Variants in CLASP1 observed in about 807,000 individuals in gnomAD.
CLASP1 encodes the protein CLIP-associating protein 1.
A neutral mutation model predicts 192.3 loss-of-function variants in CLASP1; 38 were observed. The ratio of observed to expected loss-of-function variants is 0.20; its 90% confidence interval spans 0.15 to 0.26. The LOEUF is 0.26. Ranked by LOEUF, CLASP1 falls within the 10% of genes least tolerant of loss-of-function variation. CLASP1 has a pLI of 1.00. For synonymous variants in CLASP1, 691 were observed against 712.8 expected, an observed-to-expected ratio of 0.97 and a Z score of 0.49; for missense variants, 1,433 against 1,932.5, an observed-to-expected ratio of 0.74 and a Z score of 4.85.
chr2:121,345,956 T>C (rs1372991164), intron 39 of CLASP1, among the ~76,000 whole-genome samples: 1 of 152,126 alleles, frequency 6.6e-6, no homozygotes, highest in Non-Finnish European at 1.5e-5. Flanking sequence ...GCCCAGAGTG[T>C]CAACAGAGCC....
chr2:121,404,491 G>A (rs1482849920), intron 25 of CLASP1, 57 bp from the exon 27 acceptor site: 1 of 1,440,506 alleles, frequency 6.9e-7, no homozygotes. Context: ...TTTTGAGACA[G>A]GGTCTCACTC....
intron 1 of CLASP1, among the ~76,000 whole-genome samples, chr2:121,613,045 T>A (rs528763532): frequency 1.3e-5 from 2 of 152,180 alleles, no homozygotes; most frequent in Non-Finnish European, 2.9e-5. Context: ...GAGGTGACAA[T>A]AGCAAAACAT....
At chr2:121,500,541 G>A (rs568202724) in intron 8 of CLASP1, among the ~76,000 whole-genome samples, 1 of 152,146 alleles carries the variant, frequency 6.6e-6, no homozygotes, top group South Asian at 2.1e-4. Flanking sequence ...GAGAAAATTA[G>A]ATAAAGAGGG....
At chr2:121,427,624 T>C (rs2080667503) in intron 20 of CLASP1, among the ~76,000 whole-genome samples, 194 bp from the exon 21 acceptor site, 1 of 152,224 alleles carries the variant, frequency 6.6e-6, no homozygotes, top group Non-Finnish European at 1.5e-5. Context: ...CATTAGCATT[T>C]ATTTCAGATC....
chr2:121,641,517 T>C (rs75403931), intron 1 of CLASP1, among the ~76,000 whole-genome samples: 2,207 of 152,298 alleles, frequency 0.014, 52 homozygotes, highest in African/African-American at 0.049. Context: ...AGGCTGCATT[T>C]TCCTCTATGC....
intron 6 of CLASP1, among the ~76,000 whole-genome samples, chr2:121,521,407 C>G (rs576058431): frequency 6.6e-6 from 1 of 152,166 alleles, no homozygotes; most frequent in African/African-American, 2.4e-5. Flanking sequence ...GCCAACCGTG[C>G]GTGTGGTACC....
intron 25 of CLASP1, 87 bp from the exon 27 acceptor site, chr2:121,404,521 C>T (rs2076628879): frequency 1.7e-6 from 2 of 1,179,610 alleles, no homozygotes; most frequent in Admixed American, 4.0e-5. Context: ...GGCTAGAGTG[C>T]AGTGGTGCGA....
chr2:121,608,236 G>A (rs2064715434), intron 1 of CLASP1, among the ~76,000 whole-genome samples: 1 of 152,134 alleles, frequency 6.6e-6, no homozygotes, highest in African/African-American at 2.4e-5. Flanking sequence ...GAAACCAAAA[G>A]AATCTCTTTC....
intron 9 of CLASP1, among the ~76,000 whole-genome samples, chr2:121,464,284 T>A (rs986642500): frequency 7.2e-5 from 11 of 152,078 alleles, no homozygotes; most frequent in Non-Finnish European, 1.5e-4. Flanking sequence ...TTTGCTATTG[T>A]GAATAGTGCC....
chr2:121,530,974 G>T lies in CLASP1; in HGVS notation c.196-649C>A, dbSNP rs774196943. 3 of 700,352 alleles carry T rather than the reference G, an allele frequency of 4.3e-6. No individual in the cohort carries two copies. The highest frequency in any genetic ancestry group is 7.8e-6 in the Non-Finnish European group (3 of 384,818). The allele number at this position is 700,352 out of a possible 1,614,324, so 43.4% of individuals were successfully genotyped here. A position where few individuals can be genotyped will look rare whatever the true frequency, so the allele number is the denominator to read the frequency against. On this transcript the variant is annotated intron_variant, in intron 2 of 39. Coordinates refer to ENST00000263710, the Ensembl canonical transcript of CLASP1. ...GAACAACACACCCGCATCAACTAGAGCTTTTGCTTTATTTTGGTGCAATTT... is the reference window on the plus strand; with the variant it reads ...GAACAACACACCCGCATCAACTAGATCTTTTGCTTTATTTTGGTGCAATTT...
intron 19 of CLASP1, among the ~76,000 whole-genome samples, chr2:121,442,550 G>A (rs187787464): frequency 9.3e-5 from 14 of 150,454 alleles, no homozygotes; most frequent in African/African-American, 1.5e-4. Context: ...CATAATCTCC[G>A]CTCACTACAA....
At chr2:121,378,067 A>G (rs1358007154) in intron 33 of CLASP1, among the ~76,000 whole-genome samples, 1 of 152,246 alleles carries the variant, frequency 6.6e-6, no homozygotes, top group East Asian at 1.9e-4. Flanking sequence ...AGCTAGTACT[A>G]TAAGCAAATT....
intron 2 of CLASP1, among the ~76,000 whole-genome samples, chr2:121,577,318 G>A (rs768235040): frequency 1.3e-4 from 20 of 151,712 alleles, no homozygotes; most frequent in African/African-American, 2.4e-4. Context: ...TGGCAAAAAC[G>A]TGCAAATGAC....
At chr2:121,437,653 G>C (rs2082535488) in intron 19 of CLASP1, among the ~76,000 whole-genome samples, 1 of 152,202 alleles carries the variant, frequency 6.6e-6, no homozygotes, top group Admixed American at 6.5e-5. Flanking sequence ...ACCAGCACCA[G>C]AGTTAAGATG....
intron 24 of CLASP1, among the ~76,000 whole-genome samples, chr2:121,410,517 T>C (rs1428058869): frequency 6.6e-6 from 1 of 150,650 alleles, no homozygotes; most frequent in African/African-American, 2.4e-5. Context: ...AGCAACAGAA[T>C]GGAAAAAAGG....
rs2071932155 is a variant in CLASP1, at chr2:121,382,427, T to C, written c.3375-103A>G. ...CTAAGTGTCTTAGTCTCTTCTTTCCTTGACAAAGTTCTATTAAAGTTAATC... is the reference window on the plus strand; with the variant it reads ...CTAAGTGTCTTAGTCTCTTCTTTCCCTGACAAAGTTCTATTAAAGTTAATC... On this transcript the variant is annotated intron_variant, in intron 32 of 39. Transcript: ENST00000263710. 4 of 690,292 alleles carry C rather than the reference T, an allele frequency of 5.8e-6. No homozygotes were observed. The East Asian group carries it at 1.2e-4, about 21-fold the overall frequency. 42.8% of individuals were successfully genotyped at this position (690,292 alleles called of 1,614,324 possible).
intron 14 of CLASP1, 41 bp downstream of exon 14, chr2:121,457,646 T>C: frequency 6.6e-7 from 1 of 1,518,218 alleles, no homozygotes; most frequent in Non-Finnish European, 9.1e-7. Context: ...TTTTGGTTTT[T>C]AAACAATTCA....
chr2:121,475,418 C>T (rs986095881), intron 8 of CLASP1, among the ~76,000 whole-genome samples: 19 of 152,206 alleles, frequency 1.2e-4, no homozygotes, highest in African/African-American at 4.6e-4. Flanking sequence ...TTTCAGTTAA[C>T]TGGGAAATTC....
chr2:121,385,910 T>C (rs186235894), intron 32 of CLASP1, among the ~76,000 whole-genome samples: 5 of 152,342 alleles, frequency 3.3e-5, no homozygotes, highest in Admixed American at 1.3e-4. Flanking sequence ...TAACAGCCTG[T>C]TGAAGCCATG....
Sources: allele counts gnomAD v4.1 joint callset (sites outside exome capture counted in the v4.1 genomes callset), GRCh38; gene constraint gnomAD v4.1.1; transcripts MANE v1.5; gene names NCBI Gene and HGNC (gene_info 2026-07-23, HGNC 2026-07-21).